TTC29: variants seen among roughly 807,000 people sequenced by gnomAD.
The protein encoded by TTC29 is tetratricopeptide repeat domain 29.
Under a neutral mutation model 58.1 loss-of-function variants are expected in TTC29, and 49 were observed. The ratio of observed to expected loss-of-function variants is 0.84; its 90% confidence interval spans 0.67 to 1.07. The LOEUF is 1.07. Among genes scored for constraint, TTC29 ranks in the 50% least tolerant of loss-of-function variants. TTC29 has a pLI of 0.00. For missense variants in TTC29, 582 were observed against 555.6 expected, an observed-to-expected ratio of 1.05 and a Z score of -0.48; for synonymous variants, 209 against 196.8, an observed-to-expected ratio of 1.06 and a Z score of -0.52.
rs539293020 is a variant in TTC29, at chr4:146,935,692, T to C, written c.176+1902A>G. 5.3e-5 allele frequency among the ~76,000 whole-genome samples: 8 copies of C among 152,336 alleles called. No individual in the cohort carries two copies. The East Asian group carries it at 1.5e-3, about 29-fold the overall frequency. ...TAGGTCTTATTGTCTCAAATAGATGTTAAGGCTCCAGGATGGGGCCAAGTA... is the reference window on the plus strand; with the variant it reads ...TAGGTCTTATTGTCTCAAATAGATGCTAAGGCTCCAGGATGGGGCCAAGTA... On this transcript the variant is annotated intron_variant, in intron 4 of 12. Coordinates refer to ENST00000325106, the MANE Select transcript of TTC29 (RefSeq NM_031956.4).
At chr4:146,896,787 A>T (rs1732799001) in intron 6 of TTC29, among the ~76,000 whole-genome samples, 1 of 151,580 alleles carries the variant, frequency 6.6e-6, no homozygotes. Flanking sequence ...TGTCAATTTC[A>T]CTCTTTTTCT....
rs550101287 is a variant in TTC29, at chr4:146,815,002, T to C, written c.1101+5123A>G. Among the ~76,000 whole-genome samples, 18 of 152,190 alleles carry C rather than the reference T, an allele frequency of 1.2e-4. 1 individual carries two copies. In the South Asian group the frequency reaches 2.7e-3, roughly 23 times the overall value. ...GAGTAGGAAGCAATGAGGTCAGAGA[T>C]AGGGGTGGGGCTATCTCATATTTTA... On this transcript the variant is annotated intron_variant, in intron 10 of 12. Transcript: ENST00000325106.
At chr4:146,742,579 T>TCCTTCCTTCCCTC (rs200263068) in intron 11 of TTC29, among the ~76,000 whole-genome samples, 643 of 132,886 alleles carry the variant, frequency 4.8e-3, no homozygotes, top group Non-Finnish European at 7.7e-3. Context: ...CTCACCCACT[T>TCCTTCCTTCCCTC]CCTTCCTTCC....
chr4:146,859,721 G>A (rs1239579485), intron 8 of TTC29, among the ~76,000 whole-genome samples: 1 of 152,122 alleles, frequency 6.6e-6, no homozygotes, highest in Non-Finnish European at 1.5e-5. Flanking sequence ...GTGGAATACA[G>A]GGTGGGAGTT....
chr4:146,842,292 A>G (rs1728899537), intron 8 of TTC29, among the ~76,000 whole-genome samples: 1 of 152,048 alleles, frequency 6.6e-6, no homozygotes, highest in African/African-American at 2.4e-5. Flanking sequence ...GAGAAAAAAC[A>G]TTTGTTCAGC....
intron 9 of TTC29, among the ~76,000 whole-genome samples, chr4:146,826,086 A>T (rs1727776866): frequency 6.6e-6 from 1 of 152,096 alleles, no homozygotes; most frequent in African/African-American, 2.4e-5. Flanking sequence ...GTGTCTTTTA[A>T]TTGGGGCATT....
intron 9 of TTC29, among the ~76,000 whole-genome samples, chr4:146,824,034 A>G (rs1230646900): frequency 1.3e-5 from 2 of 152,182 alleles, no homozygotes; most frequent in Non-Finnish European, 2.9e-5. Flanking sequence ...ATATACAATC[A>G]TGTCATCTGC....
At chr4:146,812,424 C>T (rs1751087671) in intron 10 of TTC29, among the ~76,000 whole-genome samples, 1 of 152,058 alleles carries the variant, frequency 6.6e-6, no homozygotes, top group Non-Finnish European at 1.5e-5. Context: ...ATTTGGCAAC[C>T]ACGCTGAGCC....
chr4:146,922,164 G>A (rs1333603030), intron 4 of TTC29, among the ~76,000 whole-genome samples: 5 of 151,090 alleles, frequency 3.3e-5, no homozygotes, highest in East Asian at 3.9e-4. Flanking sequence ...AGTTATCACC[G>A]TATTTAAAAA....
At chr4:146,814,126 T>C (rs1022240061) in intron 10 of TTC29, among the ~76,000 whole-genome samples, 1 of 152,230 alleles carries the variant, frequency 6.6e-6, no homozygotes, top group African/African-American at 2.4e-5. Context: ...ACCTATTCTG[T>C]GCCAGGTTTT....
rs182358306 is a variant in TTC29 at position 146,868,531 on chromosome 4, C to G, written c.800-948G>C. ...TTTTTCTGCAATAAAGTTAGTCTTT[C>G]TAATTCCTGCAATATCTTACTAATT... On this transcript the variant is annotated intron_variant, in intron 7 of 12. Coordinates refer to ENST00000325106, the MANE Select transcript of TTC29 (RefSeq NM_031956.4). Among the ~76,000 whole-genome samples, 635 of 152,236 alleles carry G rather than the reference C, an allele frequency of 4.2e-3. 1 individual carries two copies. Among genetic ancestry groups the G allele is most frequent in the African/African-American group, 0.014 (590 of 41,534 alleles).
rs746526382 is a variant in TTC29, at chr4:146,939,811, T to G, written c.85A>C (p.Ile29Leu). 1.1e-5 allele frequency: 17 copies of G among 1,611,436 alleles called. No homozygotes were observed. The highest frequency in any genetic ancestry group is 1.4e-5 in the Non-Finnish European group (16 of 1,179,134). Reference sequence around the variant, plus strand: ...AAAACCAGGGGCACGTACCTTGGAATTTTTCTGGAGGAGCAAGGCAGCTTC... The same window carrying G: ...AAAACCAGGGGCACGTACCTTGGAAGTTTTCTGGAGGAGCAAGGCAGCTTC... ...RQKLPCSSRK[I>L]PRSQLIKEKD... is the part of the protein sequence containing the mutation. Residue 29 changes from isoleucine (I) to leucine (L), a missense_variant, in exon 3 of 13, where the codon ATT becomes CTT. By Grantham distance (5) the Ile-to-Leu change is conservative. Transcript: ENST00000325106.
chr4:146,865,778 A>C (rs1226333942), intron 8 of TTC29, among the ~76,000 whole-genome samples: 2 of 152,230 alleles, frequency 1.3e-5, no homozygotes, highest in Non-Finnish European at 2.9e-5. Context: ...AAAGAGGTTA[A>C]TATGGGAGGT....
intron 10 of TTC29, among the ~76,000 whole-genome samples, chr4:146,818,600 C>G (rs1579748856): frequency 6.7e-6 from 1 of 148,436 alleles, no homozygotes; most frequent in African/African-American, 2.4e-5. Context: ...ACCCAAAGGA[C>G]TATAAATCAT....
chr4:146,805,011 C>T (rs1404288863), intron 10 of TTC29, among the ~76,000 whole-genome samples: 1 of 152,164 alleles, frequency 6.6e-6, no homozygotes, highest in Non-Finnish European at 1.5e-5. Flanking sequence ...GAGGGTGCCC[C>T]TCTGGGACGA....
chr4:146,771,933 A>G (rs754290225), intron 11 of TTC29, among the ~76,000 whole-genome samples: 1 of 152,126 alleles, frequency 6.6e-6, no homozygotes, highest in Admixed American at 6.6e-5. Flanking sequence ...TGACTTTTTA[A>G]TAATAGCCAT....
intron 8 of TTC29, among the ~76,000 whole-genome samples, chr4:146,849,201 T>C (rs1299433985): frequency 6.6e-6 from 1 of 152,276 alleles, no homozygotes; most frequent in East Asian, 1.9e-4. Context: ...CCATAGTGCA[T>C]TCAATCTTCA....
chr4:146,766,068 C>T (rs1747295888), intron 11 of TTC29, among the ~76,000 whole-genome samples: 1 of 151,938 alleles, frequency 6.6e-6, no homozygotes, highest in South Asian at 2.1e-4. Flanking sequence ...ATTATTTACT[C>T]GGATTCACAG....
intron 11 of TTC29, among the ~76,000 whole-genome samples, chr4:146,765,716 T>C (rs1747259707): frequency 6.6e-6 from 1 of 152,064 alleles, no homozygotes; most frequent in Non-Finnish European, 1.5e-5. Context: ...ACGGAGTGAA[T>C]GGATTAGACA....
Sources: allele counts gnomAD v4.1 joint callset (sites outside exome capture counted in the v4.1 genomes callset), GRCh38; gene constraint gnomAD v4.1.1; transcripts MANE v1.5; gene names NCBI Gene and HGNC (gene_info 2026-07-23, HGNC 2026-07-21).